Variants in XKR4 observed in about 807,000 individuals in gnomAD.
The protein encoded by XKR4 is XK-related protein 4.
In XKR4, 12 loss-of-function variants were observed where a neutral mutation model predicts 53.9. The observed-to-expected ratio is 0.22, with a 90% CI of 0.14 to 0.36. The LOEUF is 0.36. XKR4 is among the 10% of genes least tolerant of loss of function. The pLI is 1.00. For synonymous variants in XKR4, 354 were observed against 362.4 expected (o/e 0.98, Z 0.26); for missense variants, 799 against 859.5 (o/e 0.93, Z 0.88).
At chr8:55,502,515 A>G (rs1461440621) in intron 2 of XKR4, among the ~76,000 whole-genome samples, 3 of 152,140 alleles carry the variant, frequency 2.0e-5, no homozygotes, top group African/African-American at 7.2e-5. Flanking sequence ...CTTATTGGCC[A>G]TCTGTGTAAC....
chr8:55,291,614 T>G lies in XKR4; in HGVS notation c.807-66064T>G, dbSNP rs1406122775. Among the ~76,000 whole-genome samples, 5 of 152,318 alleles carry G rather than the reference T, an allele frequency of 3.3e-5. No individual in the cohort carries two copies. The East Asian group carries it at 9.6e-4, about 29-fold the overall frequency. ...CACATAACTATTTCATTGATTTGAG[T>G]GACTGTAAGAGGTAATAATGTTAGT... is the stretch of plus-strand genomic sequence containing the variant. On this transcript the variant is annotated intron_variant, in intron 1 of 2. Transcript: ENST00000327381.
At chr8:55,190,661 G>T (rs1268884354) in intron 1 of XKR4, among the ~76,000 whole-genome samples, 1 of 152,150 alleles carries the variant, frequency 6.6e-6, no homozygotes, top group Non-Finnish European at 1.5e-5. Flanking sequence ...AAATGTATTT[G>T]AAAAGGCATA....
intron 1 of XKR4, among the ~76,000 whole-genome samples, chr8:55,317,317 T>C (rs1358731296): frequency 1.3e-5 from 2 of 152,204 alleles, no homozygotes; most frequent in African/African-American, 2.4e-5. Context: ...CCCGAAATGA[T>C]TGATCACAGG....
At chr8:55,467,615 G>C (rs186135794) in intron 2 of XKR4, among the ~76,000 whole-genome samples, 5 of 152,168 alleles carry the variant, frequency 3.3e-5, no homozygotes, top group Admixed American at 3.3e-4. Flanking sequence ...ATACTCCACC[G>C]GTAAAGTGCT....
chr8:55,492,804 G>A (rs188835187), intron 2 of XKR4, among the ~76,000 whole-genome samples: 8 of 152,018 alleles, frequency 5.3e-5, no homozygotes, highest in Non-Finnish European at 8.8e-5. Flanking sequence ...TTTCAGTCTC[G>A]TGATTTACAG....
At chr8:55,170,213 C>T (rs1817138963) in intron 1 of XKR4, among the ~76,000 whole-genome samples, 1 of 152,146 alleles carries the variant, frequency 6.6e-6, no homozygotes, top group African/African-American at 2.4e-5. Flanking sequence ...TATTCGTATC[C>T]TAATGCCTGG....
At chr8:55,515,665 A>G (rs1806702122) in intron 2 of XKR4, among the ~76,000 whole-genome samples, 1 of 152,230 alleles carries the variant, frequency 6.6e-6, no homozygotes, top group African/African-American at 2.4e-5. Flanking sequence ...TGCAAAGAGG[A>G]GAAAAGCATG....
At chr8:55,124,893 A>G (rs1308936003) in intron 1 of XKR4, among the ~76,000 whole-genome samples, 1 of 152,178 alleles carries the variant, frequency 6.6e-6, no homozygotes, top group Non-Finnish European at 1.5e-5. Flanking sequence ...TCTAAGTGCA[A>G]TATAAGATAA....
At chr8:55,298,616 C>T (rs1283458630) in intron 1 of XKR4, among the ~76,000 whole-genome samples, 1 of 152,162 alleles carries the variant, frequency 6.6e-6, no homozygotes, top group East Asian at 1.9e-4. Flanking sequence ...CCCCATGATT[C>T]AGCACTTCCC....
chr8:55,204,191 G>A (rs1330607177), intron 1 of XKR4, among the ~76,000 whole-genome samples: 1 of 151,880 alleles, frequency 6.6e-6, no homozygotes, highest in Non-Finnish European at 1.5e-5. Context: ...TTGTTTTGTA[G>A]AGACAGTTCT....
Position 55,131,901 on chromosome 8 carries a change from T to C in XKR4, c.806+28607T>C, listed in dbSNP as rs74664359. 3.3e-5 allele frequency among the ~76,000 whole-genome samples: 5 copies of C among 152,322 alleles called. No homozygotes were observed. In the East Asian group the frequency reaches 9.6e-4, roughly 29 times the overall value. On this transcript the variant is annotated intron_variant, in intron 1 of 2. Coordinates refer to ENST00000327381, the MANE Select transcript of XKR4 (RefSeq NM_052898.2). The stretch of plus-strand genomic sequence containing the variant: ...TCCCTAATATTTGTTACAGTGAGCA[T>C]GCTGTTTACACATGGCCTGTGCACA...
At chr8:55,204,749 C>T (rs1817621690) in intron 1 of XKR4, among the ~76,000 whole-genome samples, 1 of 152,188 alleles carries the variant, frequency 6.6e-6, no homozygotes, top group African/African-American at 2.4e-5. Context: ...AAACATATAA[C>T]TTCTCATCCC....
chr8:55,482,362 C>G (rs1405095496), intron 2 of XKR4, among the ~76,000 whole-genome samples: 1 of 151,916 alleles, frequency 6.6e-6, no homozygotes, highest in Non-Finnish European at 1.5e-5. Context: ...CACATGGACA[C>G]AGGAAGGGGA....
At chr8:55,198,275 C>T (rs772626846) in intron 1 of XKR4, among the ~76,000 whole-genome samples, 9 of 152,200 alleles carry the variant, frequency 5.9e-5, no homozygotes, top group Non-Finnish European at 1.3e-4. Context: ...GTGACAATGA[C>T]ATCTACTCAA....
chr8:55,373,818 T>A (rs1377123179), intron 2 of XKR4, among the ~76,000 whole-genome samples: 5 of 152,252 alleles, frequency 3.3e-5, no homozygotes, highest in East Asian at 3.8e-4. Context: ...GTTTTATTTT[T>A]TTTTTTAATG....
At chr8:55,145,457 A>G (rs1816761406) in intron 1 of XKR4, among the ~76,000 whole-genome samples, 1 of 152,022 alleles carries the variant, frequency 6.6e-6, no homozygotes. Flanking sequence ...TTTCCCTAAG[A>G]GGATTGCAAT....
intron 1 of XKR4, among the ~76,000 whole-genome samples, chr8:55,312,597 T>C (rs1279425545): frequency 6.6e-6 from 1 of 152,214 alleles, no homozygotes; most frequent in Non-Finnish European, 1.5e-5. Flanking sequence ...CATTGGAATT[T>C]AGCATGAATA....
rs1365287113 is a variant in XKR4 at position 55,538,813 on chromosome 8, G to A, written c.*14586G>A. 2 of 152,238 alleles carry A rather than the reference G, an allele frequency of 1.3e-5. No individual in the cohort carries two copies. The highest frequency in any genetic ancestry group is 6.5e-5 in the Admixed American group (1 of 15,296). 9.4% of individuals were successfully genotyped at this position (152,238 alleles called of 1,614,324 possible). A position where few individuals can be genotyped will look rare whatever the true frequency, so the allele number is the denominator to read the frequency against. On this transcript the variant is annotated 3_prime_UTR_variant, in exon 3 of 3. Coordinates refer to ENST00000327381, the MANE Select transcript of XKR4 (RefSeq NM_052898.2). ...ACAGATATTAGTGAGATTAGAGTTG[G>A]TGTCATTTCCATTGAGTATCCTCTT...
chr8:55,482,587 G>A (rs1016632712), intron 2 of XKR4, among the ~76,000 whole-genome samples: 1 of 148,214 alleles, frequency 6.7e-6, no homozygotes, highest in African/African-American at 2.5e-5. Context: ...AAACACAACT[G>A]CAAACCTGAA....
Sources: allele counts gnomAD v4.1 joint callset (sites outside exome capture counted in the v4.1 genomes callset), GRCh38; gene constraint gnomAD v4.1.1; transcripts MANE v1.5; gene names NCBI Gene and HGNC (gene_info 2026-07-23, HGNC 2026-07-21).